Variants in LRCH2 observed in about 807,000 individuals in gnomAD.
The protein encoded by LRCH2 is leucine rich repeats and calponin homology domain containing 2, also known as leucine-rich repeat and calponin homology domain-containing protein 2.
A neutral mutation model predicts 68.9 loss-of-function variants in LRCH2; 38 were observed. The observed-to-expected ratio is 0.55, with a 90% CI of 0.43 to 0.72. The LOEUF (loss-of-function observed/expected upper bound fraction) is 0.72. LRCH2 is among the 30% of genes least tolerant of loss of function. The pLI is 0.00. For synonymous variants in LRCH2, 191 were observed against 208.1 expected (o/e 0.92, Z 0.71); for missense variants, 528 against 572.9 (o/e 0.92, Z 0.80).
chrX:115,177,081 G>A (rs2072656019), intron 5 of LRCH2, among the ~76,000 whole-genome samples: 1 of 75,754 alleles, frequency 1.3e-5, no homozygotes. Flanking sequence ...TTTAAAGACA[G>A]AGTCTCACTC....
intron 18 of LRCH2, 44 bp from the exon 19 acceptor site, chrX:115,122,941 C>T (rs782259239): frequency 5.1e-5 from 57 of 1,125,678 alleles, no homozygotes; most frequent in Non-Finnish European, 4.0e-5. Context: ...TCTAAACATA[C>T]ATGTTAAATG....
chrX:115,210,008 C>T (rs782491368), intron 1 of LRCH2, among the ~76,000 whole-genome samples: 7 of 109,341 alleles, frequency 6.4e-5, no homozygotes, highest in Non-Finnish European at 1.3e-4. Context: ...ACTTAGGTGC[C>T]GTTAAAAGCA....
chrX:115,198,859 A>G (rs1447753679), intron 1 of LRCH2: 1 of 112,175 alleles, frequency 8.9e-6, no homozygotes. Context: ...AGGAAACTCC[A>G]TTAGACTAAC....
intron 12 of LRCH2, among the ~76,000 whole-genome samples, chrX:115,150,737 A>T (rs2072425862): frequency 9.0e-6 from 1 of 111,180 alleles, no homozygotes; most frequent in South Asian, 3.8e-4. Flanking sequence ...ATAAAGATCC[A>T]ATTTTTAAAA....
At chrX:115,166,448 G>T in intron 6 of LRCH2, 106 bp from the exon 7 acceptor site, 1 of 487,851 alleles carries the variant, frequency 2.0e-6, no homozygotes, top group Non-Finnish European at 3.4e-6. Flanking sequence ...TACTTTTGAT[G>T]TCTAAGATCC....
intron 14 of LRCH2, among the ~76,000 whole-genome samples, chrX:115,143,611 T>C (rs1432478260): frequency 1.8e-5 from 2 of 111,536 alleles, no homozygotes; most frequent in Non-Finnish European, 3.8e-5. Flanking sequence ...GAGGAGGGAA[T>C]ACTGGCAAAC....
intron 1 of LRCH2, among the ~76,000 whole-genome samples, chrX:115,206,729 ATT>A (rs1304612399): frequency 9.0e-6 from 1 of 110,917 alleles, no homozygotes; most frequent in Non-Finnish European, 1.9e-5. Context: ...CACACTCTAT[ATT>A]TCTGTGTGTG....
intron 5 of LRCH2, among the ~76,000 whole-genome samples, chrX:115,178,236 G>A (rs1300109022): frequency 8.9e-6 from 1 of 111,829 alleles, no homozygotes; most frequent in Non-Finnish European, 1.9e-5. Context: ...GTGGGGCTGA[G>A]GGCAAGAATC....
Position 115,189,834 on chromosome X carries a change from C to T in LRCH2, c.350-1464G>A, listed in dbSNP as rs781837299. ...CTCAGGGCAGGCCTGATGACGGCCG[C>T]GGCTACGCGGGGTATTTCGACCTGT... On this transcript the variant is annotated intron_variant, in intron 1 of 20. Transcript: ENST00000317135. The T allele has an allele frequency of 6.2e-4, 720 of 1,166,315 alleles. 1 individual carries two copies. Among genetic ancestry groups the T allele is most frequent in the Non-Finnish European group, 7.5e-4 (658 of 872,851 alleles).
In LRCH2 at chrX:115,114,828, C is replaced by T. The variant is rs2072069307; in HGVS notation, c.2179-1493G>A. Among the ~76,000 whole-genome samples the T allele has an allele frequency of 2.7e-5, 3 of 110,491 alleles. No individual in the cohort carries two copies. The South Asian group carries it at 1.1e-3, about 41-fold the overall frequency. ...AGGCACAGAAACACACACAAAAAAA[C>T]TATTATAGAACTAATAAATGAGTTC... On this transcript the variant is annotated intron_variant, in intron 20 of 20. Transcript: ENST00000317135.
Position 115,110,644 on chromosome X carries a change from G to A in LRCH2, c.*2572C>T, listed in dbSNP as rs1354966596. 8.9e-6 allele frequency: 1 copy of A among 111,904 alleles called. No homozygotes were observed. The highest frequency in any genetic ancestry group is 1.9e-5 in the Non-Finnish European group (1 of 53,108). 9.2% of individuals were successfully genotyped at this position (111,904 alleles called of 1,213,427 possible). A position where few individuals can be genotyped will look rare whatever the true frequency, so the allele number is the denominator to read the frequency against. On this transcript the variant is annotated 3_prime_UTR_variant, in exon 21 of 21. Transcript: ENST00000317135. ...TTTCTTTCAACTTTATCCACAGTTT[G>A]CATCGGTAATATACATTTAAGTGTT...
chrX:115,191,731 C>G (rs1556559967), intron 1 of LRCH2: 1 of 1,163,945 alleles, frequency 8.6e-7, no homozygotes, highest in East Asian at 3.3e-5. Flanking sequence ...CAGTGGGGGC[C>G]ATGACAGTTC....
chrX:115,173,321 A>G (rs1259634020), intron 5 of LRCH2, among the ~76,000 whole-genome samples: 1 of 111,504 alleles, frequency 9.0e-6, no homozygotes, highest in Non-Finnish European at 1.9e-5. Context: ...GGAAGTTCGC[A>G]TTTATTTAGT....
intron 1 of LRCH2, among the ~76,000 whole-genome samples, chrX:115,229,387 A>C (rs2073139108): frequency 9.0e-6 from 1 of 111,301 alleles, no homozygotes; most frequent in African/African-American, 3.3e-5. Flanking sequence ...ATTACTATGT[A>C]CTCTGCCAAG....
rs2072801932 is a variant in LRCH2 at position 115,190,964 on chromosome X, G to A, written c.350-2594C>T. 6.0e-6 allele frequency: 7 copies of A among 1,162,232 alleles called. No individual in the cohort carries two copies. In the Admixed American group the frequency reaches 7.9e-5, roughly 13 times the overall value. On this transcript the variant is annotated intron_variant, in intron 1 of 20. Transcript: ENST00000317135. Reference sequence around the variant, plus strand: ...TGGAGCGACCGCTACGGAGTAGGAGGCCACTATGAGGAGAACCGAGGCCAC... The same window carrying A: ...TGGAGCGACCGCTACGGAGTAGGAGACCACTATGAGGAGAACCGAGGCCAC...
intron 1 of LRCH2, among the ~76,000 whole-genome samples, chrX:115,200,160 G>A (rs1294905433): frequency 9.0e-6 from 1 of 111,344 alleles, no homozygotes; most frequent in Non-Finnish European, 1.9e-5. Context: ...AGGGAAATTT[G>A]TAGCATTAAA....
chrX:115,166,980 A>T (rs2147390387), intron 6 of LRCH2, among the ~76,000 whole-genome samples: 1 of 109,137 alleles, frequency 9.2e-6, no homozygotes, highest in African/African-American at 3.3e-5. Flanking sequence ...AAGACAAAAC[A>T]TTACATATTT....
chrX:115,221,118 A>G (rs1171523897), intron 1 of LRCH2, among the ~76,000 whole-genome samples: 1 of 96,595 alleles, frequency 1.0e-5, no homozygotes, highest in Non-Finnish European at 2.0e-5. Flanking sequence ...CAGAGCTTGC[A>G]GTAAGCCGAG....
intron 1 of LRCH2, among the ~76,000 whole-genome samples, chrX:115,221,383 A>G (rs1183754162): frequency 1.5e-4 from 16 of 108,568 alleles, no homozygotes; most frequent in African/African-American, 5.4e-4. Context: ...CAGGAAAACA[A>G]TGAGGGGTTC....
Sources: allele counts gnomAD v4.1 joint callset (sites outside exome capture counted in the v4.1 genomes callset), GRCh38; gene constraint gnomAD v4.1.1; transcripts MANE v1.5; gene names NCBI Gene and HGNC (gene_info 2026-07-23, HGNC 2026-07-21).